Variants in ATM observed in about 807,000 individuals in gnomAD.
The protein encoded by ATM is ATM serine/threonine kinase, also known as serine-protein kinase ATM.
Under a neutral mutation model 387.0 loss-of-function variants are expected in ATM, and 308 were observed. The ratio of observed to expected loss-of-function variants is 0.80; its 90% CI spans 0.73 to 0.87. The LOEUF is 0.87. ATM is among the 40% of genes least tolerant of loss of function. The pLI, the probability that ATM is intolerant of heterozygous loss-of-function variation, is 0.00. For synonymous variants in ATM, 1,156 were observed against 1,187.3 expected (o/e 0.97, Z 0.54); for missense variants, 3,312 against 3,560.9 (o/e 0.93, Z 1.78).
intron 16 of ATM, among the ~76,000 whole-genome samples, chr11:108,262,550 T>C (rs1379831006): frequency 1.2e-4 from 18 of 152,346 alleles, no homozygotes; most frequent in Admixed American, 2.0e-4. Context: ...TAAAGACCAT[T>C]GAGACTAGGA....
At chr11:108,239,256 G>T (rs1042733187) in intron 5 of ATM, among the ~76,000 whole-genome samples, 4 of 152,144 alleles carry the variant, frequency 2.6e-5, no homozygotes, top group Non-Finnish European at 5.9e-5. Context: ...CCCAAAGAGG[G>T]CCCTCACCAG....
chr11:108,327,945 T>A (rs572946212), intron 48 of ATM, among the ~76,000 whole-genome samples, 187 bp downstream of exon 48: 1 of 152,304 alleles, frequency 6.6e-6, no homozygotes, highest in Non-Finnish European at 1.5e-5. Context: ...AGCAGCCAAT[T>A]TTGAAAGTAA....
rs182678288 is a variant in ATM at position 108,337,301 on chromosome 11, A to G, written c.8268+1340A>G. On this transcript the variant is annotated intron_variant, in intron 56 of 62. Transcript: ENST00000675843. ...AATTTGTGACATGGAACCTTCTGCA[A>G]TAATAACTAACATAATAGATGTTTT... Among the ~76,000 whole-genome samples, 8 of 152,350 alleles carry G rather than the reference A, an allele frequency of 5.3e-5. No homozygotes were observed. The South Asian group carries it at 1.2e-3, about 24-fold the overall frequency.
rs1470685074 is a variant in ATM, at chr11:108,331,314, ATAGT to A, written c.7516-125_7516-122del. 5 of 1,451,798 alleles carry A rather than the reference ATAGT, an allele frequency of 3.4e-6. No individual in the cohort carries two copies. In the Admixed American group the frequency reaches 1.3e-4, roughly 38 times the overall value. 89.9% of individuals were successfully genotyped at this position (1,451,798 alleles called of 1,614,324 possible). A position where few individuals can be genotyped will look rare whatever the true frequency, so the allele number is the denominator to read the frequency against. ...AAGAAAAGAAATGAAGGAAAACAAT[ATAGT>A]TAGTGAAGTTTTGTTAACCACTTGT... On this transcript the variant is annotated intron_variant, in intron 50 of 62. Transcript: ENST00000675843.
chr11:108,313,246 A>G (rs2084326497), intron 40 of ATM, among the ~76,000 whole-genome samples: 1 of 152,118 alleles, frequency 6.6e-6, no homozygotes, highest in African/African-American at 2.4e-5. Context: ...CTCCCTCTGA[A>G]CTATGTTCTG....
intron 18 of ATM, among the ~76,000 whole-genome samples, chr11:108,269,223 T>G (rs1168182025): frequency 6.6e-6 from 1 of 152,222 alleles, no homozygotes; most frequent in Non-Finnish European, 1.5e-5. Flanking sequence ...ATTTTGTCAT[T>G]GCATTTAGGT....
intron 61 of ATM, among the ~76,000 whole-genome samples, chr11:108,357,401 TA>T (rs920849369): frequency 2.6e-5 from 4 of 152,066 alleles, no homozygotes; most frequent in Admixed American, 6.5e-5. Flanking sequence ...CTTGATTAGG[TA>T]AACAAAGCAG....
chr11:108,295,923 G>T (rs1565467863), intron 32 of ATM: 3 of 152,276 alleles, frequency 2.0e-5, no homozygotes, highest in South Asian at 2.1e-4. Context: ...CTCCCAAAGT[G>T]CTGGGATTAC....
At chr11:108,328,498 G>A (rs1285924252) in intron 48 of ATM, among the ~76,000 whole-genome samples, 4 of 151,912 alleles carry the variant, frequency 2.6e-5, no homozygotes, top group Non-Finnish European at 4.4e-5. Context: ...CACCTGCCTC[G>A]GCCTCCCAAA....
At chr11:108,259,829 A>T (rs1186139223) in intron 16 of ATM, among the ~76,000 whole-genome samples, 1 of 152,208 alleles carries the variant, frequency 6.6e-6, no homozygotes, top group Non-Finnish European at 1.5e-5. Context: ...CCGGGCATAC[A>T]AAGTAGTTAT....
rs545672396 is a variant in ATM, at chr11:108,318,374, T to A, written c.6347+853T>A. ...GAGACTCTGTCTCTAAAAAAATAAA[T>A]AAAATAAAAAAAATAATATGCCTAC... is the stretch of plus-strand genomic sequence containing the variant. On this transcript the variant is annotated intron_variant, in intron 43 of 62. Coordinates refer to ENST00000675843, the MANE Select transcript of ATM (RefSeq NM_000051.4). 4.4e-3 allele frequency among the ~76,000 whole-genome samples: 632 copies of A among 143,902 alleles called. 1 individual carries two copies. The highest frequency in any genetic ancestry group is 0.014 in the African/African-American group (530 of 38,734). The allele number at this position is 143,902 out of a possible 152,430, so 94.4% of individuals were successfully genotyped here. A position where few individuals can be genotyped will look rare whatever the true frequency, so the allele number is the denominator to read the frequency against.
At chr11:108,331,372 A>G (rs2086212516) in intron 50 of ATM, 72 bp from the exon 51 acceptor site, 1 of 1,552,662 alleles carries the variant, frequency 6.4e-7, no homozygotes, top group Admixed American at 1.9e-5. Flanking sequence ...TCTTAAAATA[A>G]CTTACTTGCT....
intron 40 of ATM, among the ~76,000 whole-genome samples, chr11:108,313,570 T>G (rs956222053): frequency 6.6e-6 from 1 of 152,212 alleles, no homozygotes; most frequent in African/African-American, 2.4e-5. Context: ...CTGTGTTCTG[T>G]TTACCTTTTT....
intron 14 of ATM, among the ~76,000 whole-genome samples, chr11:108,257,174 C>G (rs1482551114): frequency 6.6e-6 from 1 of 152,186 alleles, no homozygotes; most frequent in African/African-American, 2.4e-5. Context: ...TCCTGTCCAG[C>G]ATCTGTTGTT....
chr11:108,227,337 C>CAAATGCAGGAT (rs2078789773), intron 1 of ATM: 1 of 369,096 alleles, frequency 2.7e-6, no homozygotes, highest in African/African-American at 2.1e-5. Flanking sequence ...TTTAATCCTG[C>CAAATGCAGGAT]TACTACTGCA....
In ATM at chr11:108,304,101, A is replaced by G. The variant is rs4988042; in HGVS notation, c.5497-574A>G. Among the ~76,000 whole-genome samples, 632 of 152,338 alleles carry G rather than the reference A, an allele frequency of 4.1e-3. 3 individuals carry two copies. The highest frequency in any genetic ancestry group is 0.014 in the African/African-American group (589 of 41,582). Reference sequence around the variant, plus strand: ...CAAAAGTAAAGCTGAATACTGTTTTAATGTGCCAGATGTATTGGAGCACTT... The same window carrying G: ...CAAAAGTAAAGCTGAATACTGTTTTGATGTGCCAGATGTATTGGAGCACTT... On this transcript the variant is annotated intron_variant, in intron 36 of 62. Transcript: ENST00000675843.
At chr11:108,331,625 G>A in intron 51 of ATM, 68 bp downstream of exon 51, 1 of 1,432,040 alleles carries the variant, frequency 7.0e-7, no homozygotes, top group African/African-American at 1.5e-5. Context: ...ATTATATAAA[G>A]TATATATACC....
At position 108,294,931 on chromosome 11, in the gene ATM, T is replaced by TA; in HGVS notation, c.4781_4782insA (p.Asn1595Ter). ...AAGTTACATTTTCTCTTTTAGGAAA[T>TA]TAACCATTTTCTCTCAGTAAGTGTT... is the stretch of plus-strand genomic sequence containing the variant. On this transcript the variant is annotated frameshift_variant, in exon 32 of 63. Coordinates refer to ENST00000675843, the MANE Select transcript of ATM (RefSeq NM_000051.4). LOFTEE classifies it high-confidence loss of function. 1 of 1,613,774 alleles carries TA rather than the reference T, an allele frequency of 6.2e-7. No individual in the cohort carries two copies. The highest frequency in any genetic ancestry group is 8.5e-7 in the Non-Finnish European group (1 of 1,179,796).
intron 5 of ATM, among the ~76,000 whole-genome samples, chr11:108,243,085 G>T (rs1251208276): frequency 6.6e-6 from 1 of 151,978 alleles, no homozygotes; most frequent in Non-Finnish European, 1.5e-5. Context: ...GGGTGTGGTG[G>T]TGTGGGCCTC....
Sources: gnomAD v4.1 joint callset for allele counts (sites outside exome capture counted in the v4.1 genomes callset) on GRCh38, gnomAD v4.1.1 for gene constraint, MANE v1.5 for transcripts, NCBI Gene and HGNC (gene_info 2026-07-23, HGNC 2026-07-21) for gene names.